Variants in PTPRD observed in about 807,000 individuals in gnomAD.
PTPRD encodes the protein receptor-type tyrosine-protein phosphatase delta.
PTPRD carries 34 observed loss-of-function variants against 214.5 expected under a neutral mutation model. The observed-to-expected ratio is 0.16, with a 90% CI of 0.12 to 0.21. PTPRD has a LOEUF of 0.21. Ranked by LOEUF, PTPRD falls within the 10% of genes least tolerant of loss-of-function variation. The probability of loss-of-function intolerance (pLI) is 1.00; values close to 1 mark genes in which losing one functional copy is unlikely to be tolerated. For synonymous variants in PTPRD, 1,128 were observed against 845.7 expected (o/e 1.33, Z -5.79); for missense variants, 2,545 against 2,398.7 (o/e 1.06, Z -1.27).
chr9:9,720,610 G>A (rs2097918471), intron 7 of PTPRD, among the ~76,000 whole-genome samples: 1 of 152,116 alleles, frequency 6.6e-6, no homozygotes, highest in Admixed American at 6.6e-5. Flanking sequence ...CCATGCAGGT[G>A]ACTACTACTG....
chr9:9,871,609 G>A (rs1052005235), intron 5 of PTPRD, among the ~76,000 whole-genome samples: 18 of 151,670 alleles, frequency 1.2e-4, no homozygotes, highest in African/African-American at 4.1e-4. Context: ...GGGAGGAGAA[G>A]TGCAGGGGCA....
rs113382296 is a variant in PTPRD, at chr9:9,228,620, T to C, written c.-202-45257A>G. 1.8e-3 allele frequency among the ~76,000 whole-genome samples: 278 copies of C among 152,230 alleles called. 1 individual carries two copies. The highest frequency in any genetic ancestry group is 6.2e-3 in the African/African-American group (258 of 41,566). On this transcript the variant is annotated intron_variant, in intron 9 of 45. Coordinates refer to ENST00000381196, the MANE Select transcript of PTPRD (RefSeq NM_002839.4). ...TCATTTTGATGCCTTGCTAGTTCTA[T>C]GAACTTGAAAAAACTTACTTGATCA... is the stretch of plus-strand genomic sequence containing the variant.
chr9:9,826,334 T>C (rs1283886839), intron 5 of PTPRD, among the ~76,000 whole-genome samples: 11 of 151,876 alleles, frequency 7.2e-5, no homozygotes, highest in South Asian at 6.2e-4. Context: ...CTTTCTGAGA[T>C]TTTCTAATAC....
intron 2 of PTPRD, among the ~76,000 whole-genome samples, chr9:10,350,504 C>G (rs1348566413): frequency 6.6e-6 from 1 of 152,034 alleles, no homozygotes. Flanking sequence ...AGTCTCTCTG[C>G]TAAGCTTTTT....
chr9:9,026,309 T>A (rs1456318346), intron 10 of PTPRD, among the ~76,000 whole-genome samples: 1 of 151,956 alleles, frequency 6.6e-6, no homozygotes, highest in Non-Finnish European at 1.5e-5. Flanking sequence ...TGTTGAGGCA[T>A]GAAAAGCCTG....
intron 2 of PTPRD, among the ~76,000 whole-genome samples, chr9:10,453,746 C>G (rs1431212884): frequency 1.3e-5 from 2 of 151,404 alleles, no homozygotes; most frequent in Admixed American, 1.3e-4. Context: ...CATTTGTAAA[C>G]CAAAACCATG....
intron 9 of PTPRD, among the ~76,000 whole-genome samples, chr9:9,371,441 G>A (rs2059462851): frequency 6.6e-6 from 1 of 152,164 alleles, no homozygotes; most frequent in African/African-American, 2.4e-5. Context: ...TTGTATTTCT[G>A]TGGGATCGGT....
intron 5 of PTPRD, among the ~76,000 whole-genome samples, chr9:9,829,337 A>G (rs2054039316): frequency 6.6e-6 from 1 of 151,864 alleles, no homozygotes; most frequent in African/African-American, 2.4e-5. Flanking sequence ...TGATAAATAT[A>G]TCAAATAAAA....
chr9:9,804,872 T>G lies in PTPRD; in HGVS notation c.-367-38021A>C, dbSNP rs560592776. 3.3e-5 allele frequency among the ~76,000 whole-genome samples: 5 copies of G among 151,776 alleles called. No individual in the cohort carries two copies. The East Asian group carries it at 7.7e-4, about 24-fold the overall frequency. On this transcript the variant is annotated intron_variant, in intron 5 of 45. Transcript: ENST00000381196. ...TTACATAAGCAATTGAAATATTTAC[T>G]TGATAGAAGAAATTCCTTGTTAAGT...
intron 11 of PTPRD, among the ~76,000 whole-genome samples, chr9:8,780,462 G>C (rs1349916540): frequency 3.3e-5 from 5 of 152,186 alleles, no homozygotes; most frequent in African/African-American, 9.7e-5. Flanking sequence ...CTGAGTGTTT[G>C]AGACTAGGTA....
Position 8,989,626 on chromosome 9 carries a change from G to T in PTPRD, c.-104+29071C>A, listed in dbSNP as rs894147297. Among the ~76,000 whole-genome samples, 3 of 151,914 alleles carry T rather than the reference G, an allele frequency of 2.0e-5. No individual in the cohort carries two copies. In the South Asian group the frequency reaches 6.3e-4, roughly 32 times the overall value. On this transcript the variant is annotated intron_variant, in intron 11 of 45. Transcript: ENST00000381196. ...ATCCAATGACAGTCACTGAATCTCGGTTTTTTCATCTGTAAAATTATGTGA... is the reference window on the plus strand; with the variant it reads ...ATCCAATGACAGTCACTGAATCTCGTTTTTTTCATCTGTAAAATTATGTGA...
At chr9:9,005,224 A>T in intron 11 of PTPRD, among the ~76,000 whole-genome samples, 1 of 152,048 alleles carries the variant, frequency 6.6e-6, no homozygotes, top group East Asian at 1.9e-4. Context: ...TGATCAGTTC[A>T]TTGCTAGGCA....
chr9:10,450,315 G>C (rs1319934374), intron 2 of PTPRD, among the ~76,000 whole-genome samples: 6 of 151,816 alleles, frequency 4.0e-5, no homozygotes. Context: ...GCACATAACT[G>C]TATATAAAAA....
At chr9:10,472,858 T>C (rs2099040074) in intron 2 of PTPRD, among the ~76,000 whole-genome samples, 1 of 151,856 alleles carries the variant, frequency 6.6e-6, no homozygotes, top group Non-Finnish European at 1.5e-5. Context: ...TATTTAAAAA[T>C]ATTTCAAAAA....
At chr9:8,911,415 T>TG (rs1555510111) in intron 11 of PTPRD, among the ~76,000 whole-genome samples, 59 of 127,726 alleles carry the variant, frequency 4.6e-4, no homozygotes, top group African/African-American at 1.5e-3. Flanking sequence ...TGTGTGTGTG[T>TG]TGTGTGTGTG....
intron 12 of PTPRD, among the ~76,000 whole-genome samples, chr9:8,722,943 T>C (rs910985598): frequency 1.3e-5 from 2 of 152,246 alleles, no homozygotes; most frequent in Non-Finnish European, 2.9e-5. Context: ...AGTGAGTTTA[T>C]AACTTGATCA....
intron 3 of PTPRD, among the ~76,000 whole-genome samples, chr9:10,179,172 G>T (rs1023351241): frequency 1.3e-5 from 2 of 151,870 alleles, no homozygotes; most frequent in Non-Finnish European, 2.9e-5. Context: ...CAACAGCAGT[G>T]GATGCAGCAA....
At chr9:10,150,501 G>A (rs1349477635) in intron 3 of PTPRD, among the ~76,000 whole-genome samples, 1 of 151,862 alleles carries the variant, frequency 6.6e-6, no homozygotes, top group Non-Finnish European at 1.5e-5. Flanking sequence ...TCACATACCG[G>A]GGCCTTTCGT....
At chr9:10,426,312 CT>C (rs1219339744) in intron 2 of PTPRD, among the ~76,000 whole-genome samples, 2 of 151,894 alleles carry the variant, frequency 1.3e-5, no homozygotes, top group South Asian at 2.1e-4. Context: ...CTCTGAGTTA[CT>C]TTTTTTTCCT....
Sources: gnomAD v4.1 joint callset for allele counts (sites outside exome capture counted in the v4.1 genomes callset) on GRCh38, gnomAD v4.1.1 for gene constraint, MANE v1.5 for transcripts, NCBI Gene and HGNC (gene_info 2026-07-23, HGNC 2026-07-21) for gene names.